The following KCNC2 variants were observed in gnomAD, a reference collection of about 807,000 sequenced individuals.
KCNC2 encodes the protein voltage-gated potassium channel KCNC2.
In KCNC2, 21 loss-of-function variants were observed where a neutral mutation model predicts 44.5. The ratio of observed to expected loss-of-function variants is 0.47; its 90% CI spans 0.33 to 0.68. The LOEUF (loss-of-function observed/expected upper bound fraction) is 0.68. Among genes scored for constraint, KCNC2 ranks in the 30% least tolerant of loss-of-function variants. The probability of loss-of-function intolerance (pLI) is 0.01; values close to 1 mark genes in which losing one functional copy is unlikely to be tolerated. For missense variants in KCNC2, 589 were observed against 826.2 expected, an observed-to-expected ratio of 0.71 and a Z score of 3.52; for synonymous variants, 391 against 339.1, an observed-to-expected ratio of 1.15 and a Z score of -1.68.
At chr12:75,062,784 A>T (rs1370960581) in intron 2 of KCNC2, among the ~76,000 whole-genome samples, 1 of 152,060 alleles carries the variant, frequency 6.6e-6, no homozygotes, top group Non-Finnish European at 1.5e-5. Flanking sequence ...TTAAATATTT[A>T]ATGGAGTCAG....
intron 2 of KCNC2, among the ~76,000 whole-genome samples, chr12:75,081,160 T>G (rs1884468381): frequency 6.6e-6 from 1 of 152,146 alleles, no homozygotes; most frequent in South Asian, 2.1e-4. Flanking sequence ...TTTAGCAATT[T>G]TTTTCCCAAT....
intron 2 of KCNC2, chr12:75,140,119 G>C (rs749041325): frequency 7.2e-5 from 11 of 152,162 alleles, no homozygotes; most frequent in Admixed American, 3.9e-4. Context: ...GGGATCTACT[G>C]GGCTTGGTTG....
chr12:75,114,772 C>T (rs995564873), intron 2 of KCNC2, among the ~76,000 whole-genome samples: 4 of 151,822 alleles, frequency 2.6e-5, no homozygotes, highest in African/African-American at 9.7e-5. Context: ...TGCCTTCAAA[C>T]TCCTGCCGTC....
chr12:75,111,175 T>C (rs941035684), intron 2 of KCNC2, among the ~76,000 whole-genome samples: 1 of 152,184 alleles, frequency 6.6e-6, no homozygotes, highest in Non-Finnish European at 1.5e-5. Flanking sequence ...TAGCTGTTTA[T>C]ATGTGCTGTA....
At chr12:75,129,056 G>T (rs1888646259) in intron 2 of KCNC2, among the ~76,000 whole-genome samples, 1 of 152,198 alleles carries the variant, frequency 6.6e-6, no homozygotes, top group South Asian at 2.1e-4. Flanking sequence ...GGTTACCAGG[G>T]TGCCAACTTG....
At chr12:75,104,091 T>C (rs991740940) in intron 2 of KCNC2, among the ~76,000 whole-genome samples, 1 of 148,134 alleles carries the variant, frequency 6.8e-6, no homozygotes, top group Non-Finnish European at 1.5e-5. Context: ...CATGATGAGG[T>C]GAAGTGAGGT....
chr12:75,086,681 A>AAATATATATATATATATATATATAT, intron 2 of KCNC2, among the ~76,000 whole-genome samples: 1 of 54,208 alleles, frequency 1.8e-5, no homozygotes, highest in East Asian at 5.5e-4. Context: ...AAAAAAAAAA[A>AAATATATATATATATATATATATAT]ATATATATAT....
intron 2 of KCNC2, among the ~76,000 whole-genome samples, chr12:75,192,510 T>C (rs1247395582): frequency 6.6e-6 from 1 of 152,260 alleles, no homozygotes; most frequent in East Asian, 1.9e-4. Context: ...TTCTTACAAA[T>C]GTATTCTCAG....
rs80243916 is a variant in KCNC2, at chr12:75,152,890, T to C, written c.687+54407A>G. ...AAGGTAATCACTAGAAAAACAGTTG[T>C]AGTACACACAACATTCGAAAATTAG... On this transcript the variant is annotated intron_variant, in intron 2 of 4. Transcript: ENST00000549446. 1.9e-3 allele frequency among the ~76,000 whole-genome samples: 289 copies of C among 152,044 alleles called. 2 individuals are homozygous for C. Among genetic ancestry groups the C allele is most frequent in the African/African-American group, 6.7e-3 (280 of 41,510 alleles).
chr12:75,117,205 T>C (rs907164956), intron 2 of KCNC2, among the ~76,000 whole-genome samples: 3 of 152,222 alleles, frequency 2.0e-5, no homozygotes, highest in Non-Finnish European at 2.9e-5. Context: ...CTGTTTTTTA[T>C]GCTTTCCGAC....
chr12:75,142,442 TG>T (rs1443827130), intron 2 of KCNC2, among the ~76,000 whole-genome samples: 3 of 152,164 alleles, frequency 2.0e-5, no homozygotes, highest in Admixed American at 6.5e-5. Flanking sequence ...CTTGAGTAAG[TG>T]GTGTCACTGA....
chr12:75,144,456 G>C (rs1012642649), intron 2 of KCNC2, among the ~76,000 whole-genome samples: 2 of 152,154 alleles, frequency 1.3e-5, no homozygotes, highest in African/African-American at 4.8e-5. Context: ...TCCAAAGTAT[G>C]CTTGTATAGG....
chr12:75,167,962 T>C (rs1472004249), intron 2 of KCNC2, among the ~76,000 whole-genome samples: 1 of 151,410 alleles, frequency 6.6e-6, no homozygotes, highest in African/African-American at 2.4e-5. Flanking sequence ...TTTTATCTTC[T>C]ATATTTGAAT....
chr12:75,205,057 A>C (rs2031578913), intron 2 of KCNC2, among the ~76,000 whole-genome samples: 1 of 152,144 alleles, frequency 6.6e-6, no homozygotes, highest in Non-Finnish European at 1.5e-5. Flanking sequence ...ATGACCTTTC[A>C]CAGTTAGGAC....
intron 2 of KCNC2, among the ~76,000 whole-genome samples, chr12:75,141,858 CAT>C (rs1278046144): frequency 6.6e-6 from 1 of 152,138 alleles, no homozygotes; most frequent in Admixed American, 6.6e-5. Context: ...CAATAGCTAA[CAT>C]GTATTGAGCA....
intron 2 of KCNC2, among the ~76,000 whole-genome samples, chr12:75,093,591 T>C (rs1479333717): frequency 6.6e-6 from 1 of 151,634 alleles, no homozygotes; most frequent in African/African-American, 2.4e-5. Context: ...AAAATTGAAG[T>C]ACCCTTAAAT....
intron 2 of KCNC2, among the ~76,000 whole-genome samples, chr12:75,058,802 T>G (rs938614021): frequency 6.6e-6 from 1 of 151,942 alleles, no homozygotes; most frequent in African/African-American, 2.4e-5. Context: ...CATAACATAA[T>G]CCCCAGGTAG....
At chr12:75,065,724 A>T (rs1181025250) in intron 2 of KCNC2, among the ~76,000 whole-genome samples, 2 of 151,990 alleles carry the variant, frequency 1.3e-5, no homozygotes, top group Non-Finnish European at 1.5e-5. Context: ...ATGTGAGTAC[A>T]CTCTGGGGTG....
chr12:75,117,806 C>T (rs914701442), intron 2 of KCNC2, among the ~76,000 whole-genome samples: 13 of 151,896 alleles, frequency 8.6e-5, no homozygotes, highest in African/African-American at 2.4e-4. Context: ...TGTTTTTAAA[C>T]GAAGATCATA....
Sources: allele counts gnomAD v4.1 joint callset (sites outside exome capture counted in the v4.1 genomes callset), GRCh38; gene constraint gnomAD v4.1.1; transcripts MANE v1.5; gene names NCBI Gene and HGNC (gene_info 2026-07-23, HGNC 2026-07-21).